CHST11: variants seen among roughly 807,000 people sequenced by gnomAD.
The protein encoded by CHST11 is carbohydrate sulfotransferase 11.
In CHST11, 9 loss-of-function variants were observed where a neutral mutation model predicts 30.4. The ratio of observed to expected loss-of-function variants is 0.30; its 90% CI spans 0.18 to 0.52. CHST11 has a LOEUF of 0.52. Among genes scored for constraint, CHST11 ranks in the 20% least tolerant of loss-of-function variants. CHST11 has a pLI of 0.97. For missense variants in CHST11, 348 were observed against 460.6 expected, an observed-to-expected ratio of 0.76 and a Z score of 2.24; for synonymous variants, 152 against 187.8, an observed-to-expected ratio of 0.81 and a Z score of 1.56.
At chr12:104,564,718 C>T (rs61940025) in intron 1 of CHST11, among the ~76,000 whole-genome samples, 10,440 of 152,188 alleles carry the variant, frequency 0.069, 419 homozygotes, top group South Asian at 0.12. Flanking sequence ...TATTTGTATT[C>T]GTACATTTTC....
intron 1 of CHST11, among the ~76,000 whole-genome samples, chr12:104,545,598 TGATGCCTTGG>T: frequency 6.6e-6 from 1 of 152,228 alleles, no homozygotes; most frequent in Non-Finnish European, 1.5e-5. Context: ...TCCATAAAGA[TGATGCCTTGG>T]TCAGCTCAGG....
chr12:104,731,484 G>C (rs533588204), intron 2 of CHST11, among the ~76,000 whole-genome samples: 1 of 152,320 alleles, frequency 6.6e-6, no homozygotes, highest in South Asian at 2.1e-4. Context: ...TTTTATTTTG[G>C]GGGGATCAGA....
intron 1 of CHST11, among the ~76,000 whole-genome samples, chr12:104,549,723 T>C (rs1478625258): frequency 6.6e-6 from 1 of 151,928 alleles, no homozygotes; most frequent in Non-Finnish European, 1.5e-5. Flanking sequence ...CTGAGCAACA[T>C]AGAGAGAGCC....
At chr12:104,559,269 A>G (rs1452478997) in intron 1 of CHST11, among the ~76,000 whole-genome samples, 1 of 152,246 alleles carries the variant, frequency 6.6e-6, no homozygotes, top group Non-Finnish European at 1.5e-5. Flanking sequence ...CCCAGAGCCT[A>G]GCACAGTACT....
intron 1 of CHST11, among the ~76,000 whole-genome samples, chr12:104,501,155 G>A (rs545761143): frequency 6.6e-5 from 10 of 152,288 alleles, no homozygotes; most frequent in African/African-American, 1.9e-4. Context: ...TAGAATAAGA[G>A]ATAAGACTAG....
In CHST11 at chr12:104,657,144, G is replaced by A. The variant is rs115258548; in HGVS notation, c.204+55153G>A. The stretch of plus-strand genomic sequence containing the variant: ...CAAGCCCATGCTGCCATCCCAGTTT[G>A]TTTTTCCTGTTACCTAACAGTCAAG... On this transcript the variant is annotated intron_variant, in intron 2 of 2. Transcript: ENST00000303694. 5.3e-3 allele frequency among the ~76,000 whole-genome samples: 813 copies of A among 152,274 alleles called. 8 individuals are homozygous for A. Among genetic ancestry groups the A allele is most frequent in the African/African-American group, 0.018 (738 of 41,548 alleles).
chr12:104,681,879 G>T (rs2039799773), intron 2 of CHST11, among the ~76,000 whole-genome samples: 1 of 138,898 alleles, frequency 7.2e-6, no homozygotes, highest in Admixed American at 7.8e-5. Context: ...CGCCCAGGCT[G>T]GAGTGCAGTG....
intron 2 of CHST11, among the ~76,000 whole-genome samples, chr12:104,716,776 C>G (rs4514507): frequency 6.6e-6 from 1 of 152,078 alleles, no homozygotes; most frequent in Non-Finnish European, 1.5e-5. Flanking sequence ...GATTCGAAGA[C>G]GAAGGAATCA....
intron 2 of CHST11, among the ~76,000 whole-genome samples, chr12:104,697,694 G>GA (rs2039958961): frequency 6.6e-6 from 1 of 152,004 alleles, no homozygotes; most frequent in Non-Finnish European, 1.5e-5. Flanking sequence ...CCTCTCCATT[G>GA]AAAAAAATAA....
chr12:104,509,307 C>T (rs1415762222), intron 1 of CHST11, among the ~76,000 whole-genome samples: 1 of 152,204 alleles, frequency 6.6e-6, no homozygotes, highest in East Asian at 1.9e-4. Context: ...TTTCCCCAGC[C>T]ATGTGGAACT....
chr12:104,739,888 C>G (rs1380264809), intron 2 of CHST11, among the ~76,000 whole-genome samples: 1 of 152,228 alleles, frequency 6.6e-6, no homozygotes, highest in Non-Finnish European at 1.5e-5. Context: ...GATTGGTCTG[C>G]CTGACTCCAG....
intron 1 of CHST11, among the ~76,000 whole-genome samples, chr12:104,525,663 C>G (rs1444940011): frequency 6.6e-6 from 1 of 152,160 alleles, no homozygotes; most frequent in Non-Finnish European, 1.5e-5. Flanking sequence ...GTACTCAACA[C>G]AGGCCTGGGA....
chr12:104,467,245 G>A (rs1026405145), intron 1 of CHST11, among the ~76,000 whole-genome samples: 2 of 152,202 alleles, frequency 1.3e-5, no homozygotes, highest in African/African-American at 4.8e-5. Context: ...TGACAGGTTA[G>A]ATGGAGTTGT....
intron 1 of CHST11, among the ~76,000 whole-genome samples, chr12:104,583,928 G>T (rs971790635): frequency 1.3e-5 from 2 of 152,150 alleles, no homozygotes; most frequent in East Asian, 1.9e-4. Context: ...AACCGGGCTG[G>T]TCCCAAACTC....
chr12:104,577,363 C>G (rs73386208), intron 1 of CHST11, among the ~76,000 whole-genome samples: 11,835 of 146,316 alleles, frequency 0.081, 941 homozygotes, highest in African/African-American at 0.21. Flanking sequence ...ACGTTGTGTT[C>G]ATGCAGCCCA....
intron 1 of CHST11, among the ~76,000 whole-genome samples, chr12:104,542,343 G>A (rs905564099): frequency 6.6e-6 from 1 of 152,152 alleles, no homozygotes. Context: ...GCCAAAAGGT[G>A]AAAACAACTC....
chr12:104,496,738 T>G (rs2037801436), intron 1 of CHST11, among the ~76,000 whole-genome samples: 1 of 152,224 alleles, frequency 6.6e-6, no homozygotes, highest in African/African-American at 2.4e-5. Context: ...AACTTTTTTT[T>G]TTTTTAAACA....
intron 2 of CHST11, among the ~76,000 whole-genome samples, chr12:104,651,475 A>G (rs2695997): frequency 0.16 from 24,651 of 152,102 alleles, 2,122 homozygotes; most frequent in African/African-American, 0.18. Context: ...AACAGCTTAA[A>G]TAAAATATTA....
intron 2 of CHST11, among the ~76,000 whole-genome samples, chr12:104,680,769 C>T (rs142554386): frequency 3.4e-3 from 516 of 152,306 alleles, no homozygotes; most frequent in Admixed American, 5.6e-3. Flanking sequence ...CACACTCCCC[C>T]GGGTTCTCAC....
Sources: gnomAD v4.1 joint callset for allele counts (sites outside exome capture counted in the v4.1 genomes callset) on GRCh38, gnomAD v4.1.1 for gene constraint, MANE v1.5 for transcripts, NCBI Gene and HGNC (gene_info 2026-07-23, HGNC 2026-07-21) for gene names.